NOL4: variants seen among roughly 807,000 people sequenced by gnomAD.
NOL4 encodes the protein nucleolar protein 4, also known as cancer/testis antigen 125.
NOL4 carries 17 observed loss-of-function variants against 75.9 expected under a neutral mutation model. The observed-to-expected ratio is 0.22, with a 90% confidence interval of 0.15 to 0.34. The LOEUF is 0.34. Ranked by LOEUF, NOL4 falls within the 10% of genes least tolerant of loss-of-function variation. The pLI is 1.00. For missense variants in NOL4, 614 were observed against 793.5 expected (o/e 0.77, Z 2.72); for synonymous variants, 292 against 289.9 (o/e 1.01, Z -0.07).
chr18:34,087,694 C>A lies in NOL4; in HGVS notation c.772+5771G>T, dbSNP rs1354005265. Among the ~76,000 whole-genome samples the A allele has an allele frequency of 3.9e-5, 6 of 151,974 alleles. No homozygotes were observed. In the East Asian group the frequency reaches 1.2e-3, roughly 29 times the overall value. ...CATTTACCCTTGTCCTAAGTATACC[C>A]AAGGATCCAAGTGAGTTACCTTTTA... On this transcript the variant is annotated intron_variant, in intron 5 of 10. Transcript: ENST00000261592.
chr18:34,169,443 C>A (rs2032789534), intron 1 of NOL4, among the ~76,000 whole-genome samples: 8 of 128,888 alleles, frequency 6.2e-5, no homozygotes, highest in African/African-American at 5.7e-5. Flanking sequence ...GTGAAAAAAA[C>A]AAATAACAGA....
intron 6 of NOL4, among the ~76,000 whole-genome samples, chr18:33,984,353 T>C (rs1313484390): frequency 1.3e-5 from 2 of 151,996 alleles, no homozygotes; most frequent in African/African-American, 2.4e-5. Flanking sequence ...TCCCTCTAGG[T>C]TGGTGCATGA....
At chr18:33,950,310 T>C (rs1301654371) in intron 8 of NOL4, among the ~76,000 whole-genome samples, 1 of 152,054 alleles carries the variant, frequency 6.6e-6, no homozygotes, top group Non-Finnish European at 1.5e-5. Flanking sequence ...TCGCTAAACA[T>C]TTAAAATATA....
At chr18:33,899,958 T>A (rs1166947707) in intron 9 of NOL4, among the ~76,000 whole-genome samples, 2 of 152,126 alleles carry the variant, frequency 1.3e-5, no homozygotes, top group African/African-American at 4.8e-5. Flanking sequence ...TTTAAACTGA[T>A]AGGCAAATTA....
intron 1 of NOL4, among the ~76,000 whole-genome samples, chr18:34,220,640 C>T (rs2037231605): frequency 6.6e-6 from 1 of 152,092 alleles, no homozygotes; most frequent in South Asian, 2.1e-4. Context: ...TGATGATTGG[C>T]TGTCTCTCAG....
At chr18:33,890,514 G>A (rs946141567) in intron 9 of NOL4, among the ~76,000 whole-genome samples, 1 of 151,978 alleles carries the variant, frequency 6.6e-6, no homozygotes, top group South Asian at 2.1e-4. Flanking sequence ...CACAGAATTG[G>A]AAAAAACTTT....
chr18:33,900,281 A>G (rs568032441), intron 9 of NOL4, among the ~76,000 whole-genome samples: 1 of 152,036 alleles, frequency 6.6e-6, no homozygotes, highest in Non-Finnish European at 1.5e-5. Flanking sequence ...TAGACTGAGA[A>G]TCACTCATTA....
chr18:34,181,705 T>C (rs1448815699), intron 1 of NOL4, among the ~76,000 whole-genome samples: 1 of 150,204 alleles, frequency 6.7e-6, no homozygotes, highest in African/African-American at 2.5e-5. Context: ...TAAAGAACTC[T>C]TGCAGCTTAA....
At chr18:34,133,566 T>C (rs1282795284) in intron 1 of NOL4, among the ~76,000 whole-genome samples, 1 of 152,200 alleles carries the variant, frequency 6.6e-6, no homozygotes, top group Middle Eastern at 3.4e-3. Context: ...GATAAAACAA[T>C]AGGTAATTGA....
In NOL4 at chr18:34,164,167, G is replaced by A. The variant is rs187191701; in HGVS notation, c.265-34147C>T. Among the ~76,000 whole-genome samples, 239 of 152,212 alleles carry A rather than the reference G, an allele frequency of 1.6e-3. 1 individual carries two copies. Among genetic ancestry groups the A allele is most frequent in the African/African-American group, 5.6e-3 (231 of 41,550 alleles). ...AAGAAAACCTAGGCATTACCATTTA[G>A]GACATAGGCATGGGCAAGGACTTCA... On this transcript the variant is annotated intron_variant, in intron 1 of 10. Coordinates refer to ENST00000261592, the MANE Select transcript of NOL4 (RefSeq NM_003787.5).
chr18:33,943,924 C>T (rs1253992527), intron 8 of NOL4, among the ~76,000 whole-genome samples: 1 of 151,832 alleles, frequency 6.6e-6, no homozygotes, highest in Non-Finnish European at 1.5e-5. Flanking sequence ...GTTTGCAGCT[C>T]TCAATATCAT....
chr18:34,190,504 T>C (rs1450281233), intron 1 of NOL4, among the ~76,000 whole-genome samples: 2 of 151,928 alleles, frequency 1.3e-5, no homozygotes, highest in Non-Finnish European at 2.9e-5. Flanking sequence ...CTGTCCTTTA[T>C]ATATGAAGGT....
chr18:34,212,003 T>G (rs954350897), intron 1 of NOL4, among the ~76,000 whole-genome samples: 1 of 152,130 alleles, frequency 6.6e-6, no homozygotes, highest in Non-Finnish European at 1.5e-5. Flanking sequence ...AATATTATAT[T>G]GTTATATTTT....
chr18:34,194,774 C>T (rs572898033), intron 1 of NOL4, among the ~76,000 whole-genome samples: 184 of 152,156 alleles, frequency 1.2e-3, no homozygotes, highest in African/African-American at 4.0e-3. Flanking sequence ...CATGTAATCC[C>T]TGCACTTTGG....
intron 5 of NOL4, among the ~76,000 whole-genome samples, chr18:34,069,911 C>T (rs1023224129): frequency 2.0e-5 from 3 of 152,212 alleles, no homozygotes; most frequent in African/African-American, 2.4e-5. Context: ...TAGGACCAAC[C>T]AGAGAAAGTC....
chr18:33,906,032 T>A (rs2066023120), intron 9 of NOL4, among the ~76,000 whole-genome samples: 1 of 152,204 alleles, frequency 6.6e-6, no homozygotes, highest in South Asian at 2.1e-4. Flanking sequence ...TCACTCCTTT[T>A]GTGGTGATAT....
At chr18:34,024,196 T>A (rs200432352) in intron 5 of NOL4, among the ~76,000 whole-genome samples, 1,653 of 83,004 alleles carry the variant, frequency 0.02, 101 homozygotes, top group Non-Finnish European at 0.034. Context: ...AAAAAAAAAA[T>A]ATATATATAT....
intron 9 of NOL4, among the ~76,000 whole-genome samples, chr18:33,925,415 A>AT (rs2067267187): frequency 6.6e-6 from 1 of 152,206 alleles, no homozygotes; most frequent in East Asian, 1.9e-4. Flanking sequence ...CTGTAAAAAG[A>AT]TTTAAAGAAA....
chr18:34,129,478 T>C (rs942098839), intron 2 of NOL4, among the ~76,000 whole-genome samples: 1 of 151,822 alleles, frequency 6.6e-6, no homozygotes, highest in East Asian at 1.9e-4. Context: ...CATATTAATA[T>C]GATTTGATGG....
Sources: allele counts gnomAD v4.1 joint callset (sites outside exome capture counted in the v4.1 genomes callset), GRCh38; gene constraint gnomAD v4.1.1; transcripts MANE v1.5; gene names NCBI Gene and HGNC (gene_info 2026-07-23, HGNC 2026-07-21).